IQCM: variants seen among roughly 807,000 people sequenced by gnomAD.
IQCM encodes IQ motif containing M.
IQCM carries 45 observed loss-of-function variants against 57.6 expected under a neutral mutation model. That is an observed-to-expected ratio of 0.78 (90% CI 0.62 to 1.00). The LOEUF (loss-of-function observed/expected upper bound fraction) is 1.00, where lower values mean the gene tolerates loss of function less well. Ranked by LOEUF, IQCM falls within the 50% of genes least tolerant of loss-of-function variation. IQCM has a pLI of 0.00. For synonymous variants in IQCM, 148 were observed against 158.9 expected (o/e 0.93, Z 0.51); for missense variants, 468 against 511.6 (o/e 0.91, Z 0.82).
chr4:149,698,595 T>G (rs1763518143), intron 5 of IQCM, among the ~76,000 whole-genome samples: 1 of 152,122 alleles, frequency 6.6e-6, no homozygotes, highest in Admixed American at 6.6e-5. Context: ...AAAACGTAAC[T>G]ATTTTCAGAA....
At chr4:149,368,405 GGC>G (rs1166241756) in intron 13 of IQCM, among the ~76,000 whole-genome samples, 1 of 151,886 alleles carries the variant, frequency 6.6e-6, no homozygotes, top group Admixed American at 6.6e-5. Context: ...TTCAATAGAT[GGC>G]TGGACAACTT....
intron 7 of IQCM, among the ~76,000 whole-genome samples, chr4:149,662,065 T>G (rs1760270034): frequency 6.6e-6 from 1 of 152,068 alleles, no homozygotes; most frequent in Admixed American, 6.6e-5. Context: ...TCCTTTTTGA[T>G]GTAGGCATTT....
At chr4:149,705,535 A>G (rs1177160890) in intron 5 of IQCM, among the ~76,000 whole-genome samples, 1 of 151,740 alleles carries the variant, frequency 6.6e-6, no homozygotes, top group East Asian at 1.9e-4. Context: ...TTTTATATCC[A>G]TTTTCCTACT....
At chr4:149,708,038 TATC>T (rs928122441) in intron 5 of IQCM, among the ~76,000 whole-genome samples, 1 of 152,028 alleles carries the variant, frequency 6.6e-6, no homozygotes, top group Non-Finnish European at 1.5e-5. Flanking sequence ...TTCACTGCAC[TATC>T]ATCAACAACC....
chr4:149,634,264 C>G (rs933462987), intron 7 of IQCM, among the ~76,000 whole-genome samples: 9 of 152,168 alleles, frequency 5.9e-5, no homozygotes, highest in Non-Finnish European at 1.3e-4. Context: ...CCACCTCGGC[C>G]TCCCAAAGTG....
At chr4:149,614,465 T>A (rs749152829) in intron 8 of IQCM, among the ~76,000 whole-genome samples, 1 of 152,164 alleles carries the variant, frequency 6.6e-6, no homozygotes, top group Non-Finnish European at 1.5e-5. Context: ...TCTTTCAGTC[T>A]CTGAGATGAA....
intron 12 of IQCM, among the ~76,000 whole-genome samples, chr4:149,470,039 T>C (rs1319640974): frequency 1.3e-5 from 2 of 152,094 alleles, no homozygotes; most frequent in Non-Finnish European, 2.9e-5. Flanking sequence ...GTAAAGACCA[T>C]CAATGCTAGG....
chr4:149,586,307 A>C (rs879300365), intron 9 of IQCM, among the ~76,000 whole-genome samples: 1 of 151,524 alleles, frequency 6.6e-6, no homozygotes, highest in Admixed American at 6.6e-5. Flanking sequence ...GGTCATTCAG[A>C]TTTTCTATTT....
rs142164845 is a variant in IQCM at position 149,626,602 on chromosome 4, A to G, written c.566-5358T>C. On this transcript the variant is annotated intron_variant, in intron 7 of 13. Coordinates refer to ENST00000636793, the MANE Select transcript of IQCM (RefSeq NM_001363507.2). ...TCTTTCTGAATTGCCAAGTATTTGA[A>G]CAAGTTTGGTAGATACTTTGAAGCT... 6.7e-3 allele frequency among the ~76,000 whole-genome samples: 1,021 copies of G among 152,024 alleles called. 8 individuals are homozygous for G. The highest frequency in any genetic ancestry group is 0.022 in the African/African-American group (911 of 41,502).
chr4:149,770,903 C>T (rs903314995), intron 2 of IQCM, among the ~76,000 whole-genome samples: 2 of 151,942 alleles, frequency 1.3e-5, no homozygotes, highest in Admixed American at 6.6e-5. Flanking sequence ...AATACCTCTT[C>T]TATAGTATTG....
At chr4:149,608,538 T>G (rs1476322564) in intron 8 of IQCM, among the ~76,000 whole-genome samples, 1 of 151,838 alleles carries the variant, frequency 6.6e-6, no homozygotes, top group Admixed American at 6.6e-5. Context: ...TCAAAAAATT[T>G]AAAAACATTG....
intron 13 of IQCM, among the ~76,000 whole-genome samples, chr4:149,404,616 C>A (rs954062399): frequency 6.6e-6 from 1 of 151,902 alleles, no homozygotes; most frequent in African/African-American, 2.4e-5. Flanking sequence ...GTGTAAAATA[C>A]AGAAGTCTAG....
chr4:149,451,163 T>C (rs1737076032), intron 12 of IQCM, among the ~76,000 whole-genome samples: 2 of 151,272 alleles, frequency 1.3e-5, no homozygotes, highest in African/African-American at 2.4e-5. Context: ...AGATAGAGAG[T>C]AGAAAGATAG....
At chr4:149,417,498 G>T (rs935218819) in intron 13 of IQCM, among the ~76,000 whole-genome samples, 5 of 152,068 alleles carry the variant, frequency 3.3e-5, no homozygotes, top group African/African-American at 1.2e-4. Context: ...ATATTTCTGG[G>T]TGTCACCTTA....
chr4:149,374,983 GTGTGTGTGTGTGTGT>G (rs1350295087), intron 13 of IQCM, among the ~76,000 whole-genome samples: 9 of 123,866 alleles, frequency 7.3e-5, no homozygotes, highest in Non-Finnish European at 1.6e-4. Flanking sequence ...GTGTGTGTGT[GTGTGTGTGTGTGTGT>G]TGTGTGTGTG....
At chr4:149,452,012 T>A (rs983307080) in intron 12 of IQCM, among the ~76,000 whole-genome samples, 2 of 151,786 alleles carry the variant, frequency 1.3e-5, no homozygotes, top group Admixed American at 6.6e-5. Flanking sequence ...GTGACTTTAG[T>A]CAGCTTGCAG....
chr4:149,440,093 A>T (rs1735779574), intron 12 of IQCM, among the ~76,000 whole-genome samples: 2 of 131,014 alleles, frequency 1.5e-5, no homozygotes, highest in African/African-American at 2.8e-5. Flanking sequence ...AGTAGCTAGG[A>T]TTACAGGCAT....
intron 13 of IQCM, among the ~76,000 whole-genome samples, chr4:149,400,281 A>G (rs1438842820): frequency 1.3e-5 from 2 of 151,702 alleles, no homozygotes; most frequent in Non-Finnish European, 2.9e-5. Flanking sequence ...TGGACCTTAA[A>G]TTATAATGGT....
chr4:149,647,181 A>T (rs1280101069), intron 7 of IQCM, among the ~76,000 whole-genome samples: 2 of 152,114 alleles, frequency 1.3e-5, no homozygotes, highest in African/African-American at 2.4e-5. Flanking sequence ...CATACATAAA[A>T]ATTTTACCCA....
Sources: gnomAD v4.1 joint callset for allele counts (sites outside exome capture counted in the v4.1 genomes callset) on GRCh38, gnomAD v4.1.1 for gene constraint, MANE v1.5 for transcripts, NCBI Gene and HGNC (gene_info 2026-07-23, HGNC 2026-07-21) for gene names.